Variants in PTAR1 observed in about 807,000 individuals in gnomAD.
PTAR1 encodes the protein protein prenyltransferase alpha subunit repeat-containing protein 1.
Under a neutral mutation model 45.5 loss-of-function variants are expected in PTAR1, and 17 were observed. The ratio of observed to expected loss-of-function variants is 0.37; its 90% CI spans 0.26 to 0.56. The LOEUF is 0.56. PTAR1 is among the 20% of genes least tolerant of loss of function. The pLI, the probability that PTAR1 is intolerant of heterozygous loss-of-function variation, is 0.77. For synonymous variants in PTAR1, 169 were observed against 171.3 expected (o/e 0.99, Z 0.11); for missense variants, 391 against 476.3 (o/e 0.82, Z 1.67).
rs398010830 is a variant in PTAR1 at position 69,734,258 on chromosome 9, TAAA to T, written c.324-7_324-5del. The T allele has an allele frequency of 0.019, 3,802 of 205,270 alleles. No homozygotes were observed. Among genetic ancestry groups the T allele is most frequent in the East Asian group, 0.031 (479 of 15,216 alleles). The allele number at this position is 205,270 out of a possible 1,614,324, so 12.7% of individuals were successfully genotyped here. A position where few individuals can be genotyped will look rare whatever the true frequency, so the allele number is the denominator to read the frequency against. On this transcript the variant is annotated splice_polypyrimidine_tract_variant and splice_region_variant and intron_variant, in intron 3 of 7. Coordinates refer to ENST00000340434, the MANE Select transcript of PTAR1 (RefSeq NM_001099666.2). ...GCCAGAGAGGATCAGCTCTTTCCTGTAAAAAAAAAAAAAAAAAAAAAAAAAAAT... is the reference window on the plus strand; with the variant it reads ...GCCAGAGAGGATCAGCTCTTTCCTGTAAAAAAAAAAAAAAAAAAAAAAAAT...
chr9:69,729,460 C>G (rs900213092), intron 5 of PTAR1, among the ~76,000 whole-genome samples: 5 of 152,016 alleles, frequency 3.3e-5, no homozygotes, highest in Non-Finnish European at 7.4e-5. Flanking sequence ...CTAACAATTC[C>G]CTCATTATTG....
chr9:69,739,078 T>C (rs1231659262), intron 3 of PTAR1, among the ~76,000 whole-genome samples: 3 of 152,158 alleles, frequency 2.0e-5, no homozygotes, highest in Non-Finnish European at 4.4e-5. Context: ...AGTGCTGGGA[T>C]TACAGGCGTG....
intron 5 of PTAR1, among the ~76,000 whole-genome samples, chr9:69,729,233 T>C (rs1461496520): frequency 6.6e-6 from 1 of 152,102 alleles, no homozygotes; most frequent in Non-Finnish European, 1.5e-5. Context: ...GGCAGGAGAA[T>C]CGCTTGAACC....
chr9:69,759,962 G>C lies in PTAR1; in HGVS notation c.-24C>G, dbSNP rs950910620. On this transcript the variant is annotated 5_prime_UTR_variant, in exon 1 of 8. Coordinates refer to ENST00000340434, the MANE Select transcript of PTAR1 (RefSeq NM_001099666.2). ...ATGTTGGCGGCGGCCGCGACAGTTC[G>C]GGCGCGCCTCCGCGTGAGCCGGGCC... 2 of 1,463,446 alleles carry C rather than the reference G, an allele frequency of 1.4e-6. No individual in the cohort carries two copies. The highest frequency in any genetic ancestry group is 2.5e-5 in the Admixed American group (1 of 40,420). 90.7% of individuals were successfully genotyped at this position (1,463,446 alleles called of 1,614,324 possible). A position where few individuals can be genotyped will look rare whatever the true frequency, so the allele number is the denominator to read the frequency against.
At chr9:69,724,351 A>G (rs996967497) in intron 5 of PTAR1, among the ~76,000 whole-genome samples, 1 of 152,228 alleles carries the variant, frequency 6.6e-6, no homozygotes, top group African/African-American at 2.4e-5. Flanking sequence ...AAATGAAATG[A>G]TTTTTTAAAA....
intron 1 of PTAR1, among the ~76,000 whole-genome samples, chr9:69,754,826 T>G (rs1052473854): frequency 2.6e-5 from 4 of 151,870 alleles, no homozygotes; most frequent in Non-Finnish European, 4.4e-5. Context: ...AGTGTTAGGA[T>G]TACAGGTGTG....
chr9:69,710,559 G>A lies in PTAR1; in HGVS notation c.*7783C>T, dbSNP rs1043926396. On this transcript the variant is annotated 3_prime_UTR_variant, in exon 8 of 8. Coordinates refer to ENST00000340434, the MANE Select transcript of PTAR1 (RefSeq NM_001099666.2). The stretch of plus-strand genomic sequence containing the variant: ...TCCCAGAAACCCATAAGCACACTCT[G>A]CATATAAATTATTGCAAAATTCATT... The A allele has an allele frequency of 1.3e-5, 2 of 152,216 alleles. No individual in the cohort carries two copies. Among genetic ancestry groups the A allele is most frequent in the East Asian group, 3.9e-4 (2 of 5,180 alleles). The allele number at this position is 152,216 out of a possible 1,614,324, so 9.4% of individuals were successfully genotyped here.
chr9:69,726,904 G>T (rs1212354952), intron 5 of PTAR1, among the ~76,000 whole-genome samples: 2 of 150,720 alleles, frequency 1.3e-5, no homozygotes, highest in Non-Finnish European at 3.0e-5. Flanking sequence ...ATATATTACT[G>T]CAACTGATTT....
rs145736598 is a variant in PTAR1, at chr9:69,743,364, A to G, written c.257-1506T>C. ...TTTTCAGTGTTTAAGTAAAATATAA[A>G]CTTTTTAATATCTAAGAGCAAATAC... On this transcript the variant is annotated intron_variant, in intron 2 of 7. Transcript: ENST00000340434. Among the ~76,000 whole-genome samples the G allele has an allele frequency of 3.9e-5, 6 of 152,312 alleles. No homozygotes were observed. The East Asian group carries it at 1.2e-3, about 29-fold the overall frequency.
intron 5 of PTAR1, 132 bp downstream of exon 5, chr9:69,732,007 G>A: frequency 1.6e-6 from 1 of 638,424 alleles, no homozygotes. Flanking sequence ...AGAGGTAGCA[G>A]CTGTTGCGAT....
intron 5 of PTAR1, among the ~76,000 whole-genome samples, chr9:69,728,916 T>G (rs933083498): frequency 1.3e-5 from 2 of 152,150 alleles, no homozygotes; most frequent in Non-Finnish European, 2.9e-5. Flanking sequence ...ATCTATAGCA[T>G]TGTTGTGTGT....
chr9:69,721,703 A>G (rs984783311), intron 6 of PTAR1, among the ~76,000 whole-genome samples: 1 of 152,198 alleles, frequency 6.6e-6, no homozygotes, highest in African/African-American at 2.4e-5. Context: ...ATCAATCAGC[A>G]GCCACCAACA....
intron 1 of PTAR1, among the ~76,000 whole-genome samples, chr9:69,752,414 G>C (rs977620720): frequency 6.6e-6 from 1 of 152,048 alleles, no homozygotes; most frequent in Admixed American, 6.6e-5. Flanking sequence ...TAGTGGCACA[G>C]GGATTTATCA....
chr9:69,742,673 T>C (rs1826092799), intron 2 of PTAR1, among the ~76,000 whole-genome samples: 1 of 152,116 alleles, frequency 6.6e-6, no homozygotes, highest in African/African-American at 2.4e-5. Context: ...AAATAGACTG[T>C]ATCTATTTAT....
At chr9:69,742,793 TTTG>T (rs1196422688) in intron 2 of PTAR1, among the ~76,000 whole-genome samples, 18 of 152,152 alleles carry the variant, frequency 1.2e-4, no homozygotes, top group African/African-American at 4.1e-4. Context: ...TTAATTTACA[TTTG>T]TTAATAGAAA....
chr9:69,726,818 C>T (rs774123420), intron 5 of PTAR1, among the ~76,000 whole-genome samples: 1 of 151,552 alleles, frequency 6.6e-6, no homozygotes, highest in Non-Finnish European at 1.5e-5. Flanking sequence ...ATTTTTCTTA[C>T]GAGTTTGTAA....
Position 69,717,284 on chromosome 9 carries a change from T to C in PTAR1, c.*1058A>G, listed in dbSNP as rs1824764800. On this transcript the variant is annotated 3_prime_UTR_variant, in exon 8 of 8. Coordinates refer to ENST00000340434, the MANE Select transcript of PTAR1 (RefSeq NM_001099666.2). ...TTTATGGATCTATTTCTTTATATAT[T>C]TCTCCCATTTGTCATAAGTGAATTT... The C allele has an allele frequency of 6.6e-6, 1 of 152,186 alleles. No individual in the cohort carries two copies. The highest frequency in any genetic ancestry group is 1.9e-4 in the East Asian group (1 of 5,200). 9.4% of individuals were successfully genotyped at this position (152,186 alleles called of 1,614,324 possible).
intron 6 of PTAR1, among the ~76,000 whole-genome samples, chr9:69,722,787 A>G (rs188165189): frequency 3.4e-4 from 51 of 152,054 alleles, no homozygotes; most frequent in Non-Finnish European, 5.6e-4. Flanking sequence ...AAAAACACAA[A>G]AATTAGCCCG....
At chr9:69,730,707 T>C (rs140628676) in intron 5 of PTAR1, among the ~76,000 whole-genome samples, 55 of 151,372 alleles carry the variant, frequency 3.6e-4, no homozygotes, top group African/African-American at 1.3e-3. Flanking sequence ...CTCAACTAGA[T>C]TTTCAATTTG....
Sources: gnomAD v4.1 joint callset for allele counts (sites outside exome capture counted in the v4.1 genomes callset) on GRCh38, gnomAD v4.1.1 for gene constraint, MANE v1.5 for transcripts, NCBI Gene and HGNC (gene_info 2026-07-23, HGNC 2026-07-21) for gene names.